The following UBR1 variants were observed in gnomAD, a reference collection of about 807,000 sequenced individuals.
UBR1 encodes ubiquitin protein ligase E3 component n-recognin 1.
UBR1 carries 102 observed loss-of-function variants against 242.1 expected under a neutral mutation model. That is an observed-to-expected ratio of 0.42 (90% confidence interval 0.36 to 0.50). UBR1 has a LOEUF of 0.50. Among genes scored for constraint, UBR1 ranks in the 20% least tolerant of loss-of-function variants. UBR1 has a pLI of 0.01. For missense variants in UBR1, 1,772 were observed against 2,101.8 expected, an observed-to-expected ratio of 0.84 and a Z score of 3.07; for synonymous variants, 675 against 684.8, an observed-to-expected ratio of 0.99 and a Z score of 0.22.
At chr15:42,995,503 CAAA>C (rs879896059) in intron 33 of UBR1, among the ~76,000 whole-genome samples, 1 of 94,074 alleles carries the variant, frequency 1.1e-5, no homozygotes, top group Admixed American at 1.1e-4. Context: ...ACTAAAAATA[CAAA>C]AAAAAAAAAA....
intron 39 of UBR1, among the ~76,000 whole-genome samples, 179 bp from the exon 40 acceptor site, chr15:42,970,786 G>A (rs554364133): frequency 1.2e-4 from 18 of 151,782 alleles, no homozygotes; most frequent in African/African-American, 2.9e-4. Flanking sequence ...GCAATGGTGC[G>A]ATCTTGGCTT....
intron 33 of UBR1, among the ~76,000 whole-genome samples, chr15:42,991,842 G>A (rs2032561756): frequency 6.6e-6 from 1 of 152,060 alleles, no homozygotes; most frequent in Non-Finnish European, 1.5e-5. Flanking sequence ...CTGGGCTCAA[G>A]CGATCCTCTC....
chr15:42,977,319 G>A (rs1473621000), intron 38 of UBR1, among the ~76,000 whole-genome samples: 1 of 152,166 alleles, frequency 6.6e-6, no homozygotes, highest in Non-Finnish European at 1.5e-5. Context: ...TGAGGGGGAT[G>A]AGGATGTTGG....
chr15:43,069,727 C>G (rs1161984349), intron 5 of UBR1, among the ~76,000 whole-genome samples: 2 of 152,106 alleles, frequency 1.3e-5, no homozygotes, highest in African/African-American at 4.8e-5. Context: ...GTCACAATGC[C>G]AACAGGCAAT....
chr15:43,040,737 C>T (rs527628414), intron 15 of UBR1, among the ~76,000 whole-genome samples: 2 of 152,264 alleles, frequency 1.3e-5, no homozygotes, highest in Admixed American at 6.5e-5. Flanking sequence ...AGGACTCAAA[C>T]AAATTTACAA....
chr15:43,034,055 T>C (rs2033294104), intron 19 of UBR1, among the ~76,000 whole-genome samples: 1 of 151,978 alleles, frequency 6.6e-6, no homozygotes, highest in African/African-American at 2.4e-5. Context: ...CTGGCCAACA[T>C]GGTGAAACCC....
intron 40 of UBR1, among the ~76,000 whole-genome samples, chr15:42,969,102 C>T (rs2032160088): frequency 1.3e-5 from 2 of 152,128 alleles, no homozygotes; most frequent in Non-Finnish European, 2.9e-5. Flanking sequence ...CACTGTCTTC[C>T]ACAATTGTTG....
intron 12 of UBR1, among the ~76,000 whole-genome samples, chr15:43,051,957 G>C (rs2033562558): frequency 6.6e-6 from 1 of 152,156 alleles, no homozygotes; most frequent in Non-Finnish European, 1.5e-5. Context: ...ATAGCACCAA[G>C]GTTCAACTGC....
intron 12 of UBR1, among the ~76,000 whole-genome samples, chr15:43,053,793 G>A (rs537157624): frequency 8.2e-4 from 122 of 149,114 alleles, no homozygotes; most frequent in African/African-American, 2.9e-3. Flanking sequence ...ACAAGGTCTC[G>A]CTATGTTGTC....
Position 43,048,464 on chromosome 15 carries a change from T to C in UBR1, c.1467A>G (p.Ile489Met). The change falls in exon 13 of 47, where the codon ATA becomes ATG. Residue 489 changes from isoleucine (I) to methionine (M), a missense_variant. By Grantham distance (10) the Ile-to-Met change is conservative. Transcript: ENST00000290650. ...ACTGCATTCTTAATCTTTCTGTCCATATTGTGGGTTTGCTGATCAGGATAT... is the reference window on the plus strand; with the variant it reads ...ACTGCATTCTTAATCTTTCTGTCCACATTGTGGGTTTGCTGATCAGGATAT... ...LKYILISKPT[I>M]WTERLRMQFL... 6.2e-7 allele frequency: 1 copy of C among 1,613,748 alleles called. No homozygotes were observed. The highest frequency in any genetic ancestry group is 8.5e-7 in the Non-Finnish European group (1 of 1,179,856).
intron 24 of UBR1, 105 bp downstream of exon 24, chr15:43,025,276 G>T: frequency 8.9e-7 from 1 of 1,118,612 alleles, no homozygotes. Context: ...ACTTCCTTGA[G>T]TTGCCCACTC....
intron 29 of UBR1, among the ~76,000 whole-genome samples, chr15:43,007,688 T>C (rs1167615364): frequency 1.3e-5 from 2 of 152,152 alleles, no homozygotes; most frequent in Non-Finnish European, 2.9e-5. Flanking sequence ...CCTTGTATAT[T>C]TCCTTCTAGG....
At chr15:42,996,871 AG>A (rs936542480) in intron 33 of UBR1, among the ~76,000 whole-genome samples, 4 of 152,192 alleles carry the variant, frequency 2.6e-5, no homozygotes, top group African/African-American at 9.6e-5. Flanking sequence ...AATATTTTCT[AG>A]GTATGGTTTT....
chr15:43,005,411 T>G (rs796561677), intron 30 of UBR1, among the ~76,000 whole-genome samples: 6 of 8,084 alleles, frequency 7.4e-4, no homozygotes, highest in East Asian at 7.5e-3. Context: ...CCGCCCTGTC[T>G]TGGAGGGAGG....
chr15:43,091,023 CTG>C (rs2034099854), intron 1 of UBR1, among the ~76,000 whole-genome samples: 6 of 152,170 alleles, frequency 3.9e-5, no homozygotes, highest in African/African-American at 1.4e-4. Context: ...CATGCAACCT[CTG>C]CCTCCCGGGT....
Position 43,075,064 on chromosome 15 carries a change from A to G in UBR1, c.443T>C (p.Phe148Ser), listed in dbSNP as rs2033871055. The G allele has an allele frequency of 6.2e-7, 1 of 1,614,092 alleles. No individual in the cohort carries two copies. Among genetic ancestry groups the G allele is most frequent in the Non-Finnish European group, 8.5e-7 (1 of 1,179,964 alleles). Residue 148 changes from phenylalanine (F) to serine (S), a missense_variant, in exon 4 of 47, where the codon TTC becomes TCC. Phe to Ser is a radical substitution (Grantham distance 155). This residue lies in a region of UBR1 where 734 missense variants were observed against 893.3 expected (regional missense o/e 0.82). Coordinates refer to ENST00000290650, the MANE Select transcript of UBR1 (RefSeq NM_174916.3). The stretch of plus-strand genomic sequence containing the variant: ...TGCCTCTGTGTCTCCACAGTCACAG[A>G]ACCCTCCTCCAGTAGAAGTATGCAT... ...YKMHTSTGGG[F>S]CDCGDTEAWK...
intron 1 of UBR1, among the ~76,000 whole-genome samples, chr15:43,090,973 C>T (rs1353736595): frequency 6.6e-6 from 1 of 151,966 alleles, no homozygotes; most frequent in Non-Finnish European, 1.5e-5. Context: ...GAGTTTTGCT[C>T]TTCTTGCCCA....
intron 1 of UBR1, among the ~76,000 whole-genome samples, chr15:43,099,952 T>C (rs548515443): frequency 6.6e-6 from 1 of 151,880 alleles, no homozygotes; most frequent in East Asian, 1.9e-4. Flanking sequence ...CTCAGCTCAC[T>C]GCAAGCTCCG....
intron 29 of UBR1, among the ~76,000 whole-genome samples, chr15:43,012,222 G>A (rs1460731913): frequency 6.2e-5 from 9 of 144,234 alleles, no homozygotes; most frequent in South Asian, 4.4e-4. Context: ...GTGAGATTCC[G>A]TCTCAAAAAA....
Sources: allele counts gnomAD v4.1 joint callset (sites outside exome capture counted in the v4.1 genomes callset), GRCh38; gene constraint gnomAD v4.1.1; regional missense constraint gnomAD v4.1.1; transcripts MANE v1.5; gene names NCBI Gene and HGNC (gene_info 2026-07-23, HGNC 2026-07-21).